MICU3: variants seen among roughly 807,000 people sequenced by gnomAD.
The protein encoded by MICU3 is mitochondrial calcium uptake 3.
MICU3 carries 62 observed loss-of-function variants against 66.5 expected under a neutral mutation model. That is an observed-to-expected ratio of 0.93 (90% CI 0.76 to 1.15). MICU3 has a LOEUF of 1.15. MICU3 is among the 50% of genes most tolerant of loss of function. The pLI, the probability that MICU3 is intolerant of heterozygous loss-of-function variation, is 0.00. For missense variants in MICU3, 779 were observed against 664.4 expected, an observed-to-expected ratio of 1.17 and a Z score of -1.90; for synonymous variants, 308 against 240.7, an observed-to-expected ratio of 1.28 and a Z score of -2.59.
chr8:17,069,466 T>C (rs965115203), intron 2 of MICU3, among the ~76,000 whole-genome samples: 9 of 152,108 alleles, frequency 5.9e-5, no homozygotes, highest in Non-Finnish European at 1.0e-4. Context: ...AAATGTTTCC[T>C]GTATCACTGA....
Position 17,077,844 on chromosome 8 carries a change from GA to G in MICU3, c.632del (p.Asn211IlefsTer7). The G allele has an allele frequency of 6.2e-7, 1 of 1,610,370 alleles. No individual in the cohort carries two copies. The highest frequency in any genetic ancestry group is 8.5e-7 in the Non-Finnish European group (1 of 1,177,484). ...PVWKGSSKLF[R>X]NLKEKGVISY... Reference sequence around the variant, plus strand: ...TGGAAAGGCTCATCGAAGCTATTTCGAAATCTTAAAGAAAAAGGTGAGTTAA... The same window carrying G: ...TGGAAAGGCTCATCGAAGCTATTTCGAATCTTAAAGAAAAAGGTGAGTTAA... On this transcript the variant is annotated frameshift_variant, in exon 4 of 15. Transcript: ENST00000318063. LOFTEE classifies it high-confidence loss of function.
chr8:17,059,497 G>T (rs1817505142), intron 1 of MICU3, among the ~76,000 whole-genome samples: 1 of 152,098 alleles, frequency 6.6e-6, no homozygotes, highest in Non-Finnish European at 1.5e-5. Flanking sequence ...CATTTTTATA[G>T]ACCTACCACT....
chr8:17,063,357 A>G (rs1014093585), intron 1 of MICU3, among the ~76,000 whole-genome samples: 1 of 152,152 alleles, frequency 6.6e-6, no homozygotes, highest in African/African-American at 2.4e-5. Flanking sequence ...AATTATACTT[A>G]ACAAATTTTT....
chr8:17,115,431 G>C (rs1054010097), intron 12 of MICU3, among the ~76,000 whole-genome samples: 1 of 152,272 alleles, frequency 6.6e-6, no homozygotes, highest in East Asian at 1.9e-4. Context: ...AACGTGCAAA[G>C]AAACAAATCA....
intron 2 of MICU3, among the ~76,000 whole-genome samples, chr8:17,066,545 T>TATATATA: frequency 1.9e-5 from 1 of 53,986 alleles, no homozygotes; most frequent in Non-Finnish European, 3.2e-5. Context: ...ATATATAGAT[T>TATATATA]TTTTTTTTTT....
At chr8:17,134,896 A>G in the MICU3 span, among the ~76,000 whole-genome samples, 1 of 152,240 alleles carries the variant, frequency 6.6e-6, no homozygotes, top group Non-Finnish European at 1.5e-5. Context: ...TTTGTCAAGT[A>G]TCTGGGCACC....
intron 13 of MICU3, among the ~76,000 whole-genome samples, chr8:17,116,853 T>C (rs1802732448): frequency 6.6e-6 from 1 of 152,240 alleles, no homozygotes; most frequent in Admixed American, 6.5e-5. Context: ...AATGTCTTCA[T>C]CCTAGTTTGT....
rs1803226139 is a variant in MICU3 at position 17,121,963 on chromosome 8, C to T, written c.*1676C>T. ...TGAATGTTCTTAATATGATTTGGTA[C>T]CTAAAGTAATTGAAAAAAATGCAGT... On this transcript the variant is annotated 3_prime_UTR_variant, in exon 15 of 15. Coordinates refer to ENST00000318063, the MANE Select transcript of MICU3 (RefSeq NM_181723.3). 1 of 151,568 alleles carries T rather than the reference C, an allele frequency of 6.6e-6. No homozygotes were observed. Among genetic ancestry groups the T allele is most frequent in the Admixed American group, 6.6e-5 (1 of 15,198 alleles). 9.4% of individuals were successfully genotyped at this position (151,568 alleles called of 1,614,324 possible).
intron 1 of MICU3, among the ~76,000 whole-genome samples, chr8:17,054,692 G>A (rs919206912): frequency 6.6e-6 from 1 of 151,608 alleles, no homozygotes; most frequent in African/African-American, 2.4e-5. Flanking sequence ...AACATTCAAG[G>A]ACTGAGGACC....
chr8:17,110,561 A>ATTT (rs1802101365), intron 11 of MICU3, among the ~76,000 whole-genome samples: 1 of 151,854 alleles, frequency 6.6e-6, no homozygotes. Context: ...TTTATTATTC[A>ATTT]CTTAAATTTA....
chr8:17,079,068 T>G (rs1820795180), intron 4 of MICU3, among the ~76,000 whole-genome samples: 1 of 152,138 alleles, frequency 6.6e-6, no homozygotes. Context: ...AGAAAGAACC[T>G]TTTTTAAGTT....
In MICU3 at chr8:17,120,357, T is replaced by C. The variant is rs554893887; in HGVS notation, c.*70T>C. ...ATAACAAGAAGCAACATTTTGAGAA[T>C]GGAAGCAGGTCTGAGGTCAGAAGAA... On this transcript the variant is annotated 3_prime_UTR_variant, in exon 15 of 15. Transcript: ENST00000318063. 2 of 152,202 alleles carry C rather than the reference T, an allele frequency of 1.3e-5. No individual in the cohort carries two copies. The highest frequency in any genetic ancestry group is 3.9e-4 in the East Asian group (2 of 5,186). The allele number at this position is 152,202 out of a possible 1,614,324, so 9.4% of individuals were successfully genotyped here.
At chr8:17,055,077 G>A (rs1388259527) in intron 1 of MICU3, among the ~76,000 whole-genome samples, 1 of 152,104 alleles carries the variant, frequency 6.6e-6, no homozygotes, top group Non-Finnish European at 1.5e-5. Context: ...TTGAGAAAAG[G>A]TCAGAGTTAC....
chr8:17,085,211 A>G (rs1457945137), intron 5 of MICU3, 25 bp from the exon 6 acceptor site: 1 of 1,539,568 alleles, frequency 6.5e-7, no homozygotes. Flanking sequence ...CATTTTGTGA[A>G]TACCTTCTCT....
intron 1 of MICU3, among the ~76,000 whole-genome samples, chr8:17,060,251 C>A (rs992041099): frequency 6.6e-6 from 1 of 151,766 alleles, no homozygotes; most frequent in Non-Finnish European, 1.5e-5. Flanking sequence ...GTAGACTATT[C>A]TGGGATCAGA....
At chr8:17,076,867 G>A (rs542877063) in intron 3 of MICU3, among the ~76,000 whole-genome samples, 39 of 152,250 alleles carry the variant, frequency 2.6e-4, no homozygotes, top group Middle Eastern at 3.4e-3. Flanking sequence ...CTGAGGAGTG[G>A]GTGTCAGATC....
chr8:17,128,971 C>T, the MICU3 span, among the ~76,000 whole-genome samples: 1 of 152,168 alleles, frequency 6.6e-6, no homozygotes, highest in African/African-American at 2.4e-5. Context: ...AAAACAGTCA[C>T]TGGAGGTCCC....
At chr8:17,097,267 T>C (rs575736122) in intron 8 of MICU3, among the ~76,000 whole-genome samples, 1 of 151,910 alleles carries the variant, frequency 6.6e-6, no homozygotes, top group African/African-American at 2.4e-5. Flanking sequence ...AAATGAACTG[T>C]ATTAGTTCTA....
intron 1 of MICU3, among the ~76,000 whole-genome samples, chr8:17,047,735 G>T (rs1399823420): frequency 1.3e-5 from 2 of 152,120 alleles, no homozygotes; most frequent in Non-Finnish European, 2.9e-5. Context: ...ATTTAGGAAT[G>T]AGAACAAAAT....
Sources: allele counts gnomAD v4.1 joint callset (sites outside exome capture counted in the v4.1 genomes callset), GRCh38; gene constraint gnomAD v4.1.1; transcripts MANE v1.5; gene names NCBI Gene and HGNC (gene_info 2026-07-23, HGNC 2026-07-21).